The following PRLR variants were observed in gnomAD, a reference collection of about 807,000 sequenced individuals.
PRLR encodes the protein prolactin receptor.
A neutral mutation model predicts 40.2 loss-of-function variants in PRLR; 13 were observed. That is an observed-to-expected ratio of 0.32 (90% CI 0.21 to 0.51). PRLR has a LOEUF of 0.51. PRLR is among the 20% of genes least tolerant of loss of function. The pLI is 0.97. For synonymous variants in PRLR, 269 were observed against 278.7 expected, an observed-to-expected ratio of 0.97 and a Z score of 0.35; for missense variants, 656 against 747.3, an observed-to-expected ratio of 0.88 and a Z score of 1.42.
At chr5:35,088,786 T>A (rs1771018945) in intron 3 of PRLR, among the ~76,000 whole-genome samples, 1 of 151,954 alleles carries the variant, frequency 6.6e-6, no homozygotes, top group African/African-American at 2.4e-5. Flanking sequence ...CACAAAAATA[T>A]ACACAGGTGC....
exon 9 of PRLR, chr5:35,048,818 A>G (rs1768372845): frequency 3.9e-6 from 1 of 253,846 alleles, no homozygotes; most frequent in South Asian, 5.3e-5. Flanking sequence ...TAGGTTTCCC[A>G]CTGCTTCAGA....
chr5:35,229,819 A>C (rs1210792852), intron 1 of PRLR, among the ~76,000 whole-genome samples: 1 of 151,554 alleles, frequency 6.6e-6, no homozygotes, highest in Non-Finnish European at 1.5e-5. Flanking sequence ...CTTTCATCAC[A>C]TCACCTGTCT....
intron 1 of PRLR, among the ~76,000 whole-genome samples, chr5:35,204,880 A>G (rs938165923): frequency 2.6e-5 from 4 of 152,164 alleles, no homozygotes; most frequent in Admixed American, 6.5e-5. Context: ...TGATAACATC[A>G]CATCTTTGGA....
intron 1 of PRLR, among the ~76,000 whole-genome samples, chr5:35,119,934 T>C (rs1046206619): frequency 4.6e-5 from 7 of 152,154 alleles, no homozygotes; most frequent in Non-Finnish European, 7.3e-5. Context: ...CAAACACTTA[T>C]TGAGTGACAG....
rs562618238 is a variant in PRLR at position 35,195,184 on chromosome 5, A to G, written c.-106+35084T>C. On this transcript the variant is annotated intron_variant, in intron 1 of 9. Coordinates refer to ENST00000618457, the MANE Select transcript of PRLR (RefSeq NM_000949.7). ...CTCTCTGCCTTCCAGTGCGATCTAG[A>G]GATGTTCTCAGCTCCATGCCAAAGC... 5.9e-5 allele frequency: 9 copies of G among 152,310 alleles called. 1 individual carries two copies. The South Asian group carries it at 1.9e-3, about 32-fold the overall frequency. The allele number at this position is 152,310 out of a possible 1,614,324, so 9.4% of individuals were successfully genotyped here.
chr5:35,136,680 A>G (rs911181170), intron 1 of PRLR, among the ~76,000 whole-genome samples: 1 of 152,092 alleles, frequency 6.6e-6, no homozygotes, highest in African/African-American at 2.4e-5. Flanking sequence ...TGTCTCTGCT[A>G]CTGACTACCT....
In PRLR at chr5:35,084,456, T is replaced by C. The variant is rs750924303; in HGVS notation, c.373+14A>G. 3 of 1,543,672 alleles carry C rather than the reference T, an allele frequency of 1.9e-6. No individual in the cohort carries two copies. Among genetic ancestry groups the C allele is most frequent in the Non-Finnish European group, 2.6e-6 (3 of 1,153,492 alleles). On this transcript the variant is annotated intron_variant, in intron 5 of 9. Coordinates refer to ENST00000618457, the MANE Select transcript of PRLR (RefSeq NM_000949.7). ...TGGAGTAAGAAATTCCTCACCCACTTTCCTTCCCCTTACCTATGTAAGTCA... is the reference window on the plus strand; with the variant it reads ...TGGAGTAAGAAATTCCTCACCCACTCTCCTTCCCCTTACCTATGTAAGTCA...
chr5:35,162,152 C>A (rs1774692989), intron 1 of PRLR, among the ~76,000 whole-genome samples: 1 of 152,200 alleles, frequency 6.6e-6, no homozygotes, highest in South Asian at 2.1e-4. Flanking sequence ...CAACCCTTAT[C>A]CTTTCCAGTA....
intron 5 of PRLR, among the ~76,000 whole-genome samples, chr5:35,075,551 G>C (rs568650931): frequency 1.2e-4 from 18 of 152,204 alleles, no homozygotes; most frequent in Non-Finnish European, 2.5e-4. Flanking sequence ...AGCTGGAACT[G>C]GGTGGAGCCC....
chr5:35,193,386 G>A (rs1034735860), intron 1 of PRLR, among the ~76,000 whole-genome samples: 1 of 152,114 alleles, frequency 6.6e-6, no homozygotes, highest in Non-Finnish European at 1.5e-5. Flanking sequence ...GATATGAACA[G>A]ATCCAAAGCA....
In PRLR at chr5:35,063,626, A is replaced by C. The variant is rs1246250464; in HGVS notation, c.*1463T>G. 1 of 152,168 alleles carries C rather than the reference A, an allele frequency of 6.6e-6. No homozygotes were observed. Among genetic ancestry groups the C allele is most frequent in the African/African-American group, 2.4e-5 (1 of 41,444 alleles). The allele number at this position is 152,168 out of a possible 1,614,324, so 9.4% of individuals were successfully genotyped here. On this transcript the variant is annotated 3_prime_UTR_variant, in exon 10 of 10. Transcript: ENST00000618457. ...TATTTGGACACTTCTGATATGAGCCATTTCTGCCTCTGCCAAGATTTTGCA... is the reference window on the plus strand; with the variant it reads ...TATTTGGACACTTCTGATATGAGCCCTTTCTGCCTCTGCCAAGATTTTGCA...
intron 1 of PRLR, among the ~76,000 whole-genome samples, chr5:35,177,308 C>A (rs1014477110): frequency 2.4e-4 from 36 of 152,148 alleles, no homozygotes; most frequent in African/African-American, 8.7e-4. Flanking sequence ...CTCGTTCCAC[C>A]TTACGAGAAA....
At chr5:35,066,138 A>T (rs1429430278) in intron 9 of PRLR, 36 bp from the exon 10 acceptor site, 1 of 1,573,764 alleles carries the variant, frequency 6.4e-7, no homozygotes, top group Admixed American at 1.7e-5. Flanking sequence ...GATGGCTGTT[A>T]GCTTCATAAC....
At chr5:35,055,177 C>T (rs140930141), downstream of PRLR, among the ~76,000 whole-genome samples, 719 of 152,182 alleles carry the variant, frequency 4.7e-3, 1 homozygote, top group African/African-American at 0.017. Context: ...CAGGAAAACA[C>T]GAACAAAAGA....
intron 1 of PRLR, among the ~76,000 whole-genome samples, chr5:35,123,391 T>C (rs1439518559): frequency 1.3e-5 from 2 of 152,020 alleles, no homozygotes; most frequent in African/African-American, 4.8e-5. Flanking sequence ...AATTAAAGAA[T>C]GACTAAAAAC....
At chr5:35,189,575 C>T (rs979058683) in intron 1 of PRLR, among the ~76,000 whole-genome samples, 3 of 43,470 alleles carry the variant, frequency 6.9e-5, no homozygotes, top group Non-Finnish European at 1.5e-4. Context: ...AGAGAAACTC[C>T]GTTTAAAAAA....
chr5:35,112,228 G>GT (rs1267080450), intron 2 of PRLR, among the ~76,000 whole-genome samples: 1 of 152,142 alleles, frequency 6.6e-6, no homozygotes, highest in East Asian at 1.9e-4. Context: ...CACTGTGTCT[G>GT]TCTTAGGGTT....
chr5:35,147,180 G>C (rs1356951738), intron 1 of PRLR, among the ~76,000 whole-genome samples: 1 of 152,158 alleles, frequency 6.6e-6, no homozygotes, highest in African/African-American at 2.4e-5. Flanking sequence ...CAGCCAGAAA[G>C]GACAGCAAAG....
In PRLR at chr5:35,057,667, G is replaced by A. The variant is rs1386773589; in HGVS notation, c.*7422C>T. On this transcript the variant is annotated 3_prime_UTR_variant, in exon 10 of 10. Transcript: ENST00000618457. ...AATGAATAAAACCATGGAAAACAGA[G>A]AGCACAATGTGCCATAAGCAAAGAT... 6.6e-6 allele frequency: 1 copy of A among 152,046 alleles called. No individual in the cohort carries two copies. The highest frequency in any genetic ancestry group is 1.5e-5 in the Non-Finnish European group (1 of 68,002). 9.4% of individuals were successfully genotyped at this position (152,046 alleles called of 1,614,324 possible).
Sources: allele counts gnomAD v4.1 joint callset (sites outside exome capture counted in the v4.1 genomes callset), GRCh38; gene constraint gnomAD v4.1.1; transcripts MANE v1.5; gene names NCBI Gene and HGNC (gene_info 2026-07-23, HGNC 2026-07-21).